The following ST6GALNAC3 variants were observed in gnomAD, a reference collection of about 807,000 sequenced individuals.
ST6GALNAC3 encodes the protein alpha-N-acetylgalactosaminide alpha-2,6-sialyltransferase 3.
A neutral mutation model predicts 32.7 loss-of-function variants in ST6GALNAC3; 25 were observed. The observed-to-expected ratio is 0.76, with a 90% CI of 0.56 to 1.07. The LOEUF (loss-of-function observed/expected upper bound fraction) is 1.07. Ranked by LOEUF, ST6GALNAC3 falls within the 50% of genes least tolerant of loss-of-function variation. The pLI is 0.00. For synonymous variants in ST6GALNAC3, 129 were observed against 133.1 expected (o/e 0.97, Z 0.21); for missense variants, 355 against 382.4 (o/e 0.93, Z 0.60).
intron 3 of ST6GALNAC3, among the ~76,000 whole-genome samples, chr1:76,510,720 T>C (rs1035967459): frequency 4.6e-5 from 7 of 152,176 alleles, no homozygotes; most frequent in Admixed American, 2.0e-4. Flanking sequence ...ACACCTAAAT[T>C]ACCAAACATC....
At chr1:76,223,753 C>G (rs878859655) in intron 1 of ST6GALNAC3, among the ~76,000 whole-genome samples, 2 of 151,992 alleles carry the variant, frequency 1.3e-5, no homozygotes, top group Admixed American at 1.3e-4. Context: ...CTAATTAATT[C>G]TTTCAGTCTT....
At chr1:76,090,396 G>A (rs956749014) in intron 1 of ST6GALNAC3, among the ~76,000 whole-genome samples, 6 of 152,226 alleles carry the variant, frequency 3.9e-5, no homozygotes, top group South Asian at 2.1e-4. Flanking sequence ...ATAAGCATGA[G>A]CATTAACTTC....
rs940741042 is a variant in ST6GALNAC3, at chr1:76,634,091, CT to C, written c.*5293del. 135 of 924,078 alleles carry C rather than the reference CT, an allele frequency of 1.5e-4. No homozygotes were observed. Among genetic ancestry groups the C allele is most frequent in the Middle Eastern group, 5.6e-4 (1 of 1,782 alleles). The allele number at this position is 924,078 out of a possible 1,614,324, so 57.2% of individuals were successfully genotyped here. A position where few individuals can be genotyped will look rare whatever the true frequency, so the allele number is the denominator to read the frequency against. ...TGTTTGTTTCTTTTCAGAATAGGCA[CT>C]TTTTTTTGAGTAGAAAACCTCTTCT... On this transcript the variant is annotated 3_prime_UTR_variant, in exon 5 of 5. Coordinates refer to ENST00000328299, the MANE Select transcript of ST6GALNAC3 (RefSeq NM_152996.4).
chr1:76,598,405 C>T (rs919485546), intron 3 of ST6GALNAC3, among the ~76,000 whole-genome samples: 7 of 152,140 alleles, frequency 4.6e-5, no homozygotes, highest in African/African-American at 1.4e-4. Flanking sequence ...CAGCCTCCAT[C>T]GCTTTCAGAA....
At chr1:76,089,306 C>T (rs944209006) in intron 1 of ST6GALNAC3, among the ~76,000 whole-genome samples, 7 of 152,140 alleles carry the variant, frequency 4.6e-5, no homozygotes, top group African/African-American at 1.7e-4. Context: ...CCGCCTTGGC[C>T]TCCCAAAATG....
intron 1 of ST6GALNAC3, among the ~76,000 whole-genome samples, chr1:76,186,045 G>A (rs1653531919): frequency 6.6e-6 from 1 of 152,216 alleles, no homozygotes; most frequent in African/African-American, 2.4e-5. Context: ...GTTTTGGGAG[G>A]TCCTGGTACC....
At chr1:76,467,390 T>A (rs772817924) in intron 3 of ST6GALNAC3, among the ~76,000 whole-genome samples, 1 of 151,998 alleles carries the variant, frequency 6.6e-6, no homozygotes, top group African/African-American at 2.4e-5. Context: ...GATCCATCCC[T>A]GCTATGCTTG....
At chr1:76,542,756 A>G (rs1664069085) in intron 3 of ST6GALNAC3, among the ~76,000 whole-genome samples, 1 of 152,194 alleles carries the variant, frequency 6.6e-6, no homozygotes, top group Admixed American at 6.5e-5. Context: ...GAGCCATAAT[A>G]ATAAGCTACC....
intron 1 of ST6GALNAC3, among the ~76,000 whole-genome samples, chr1:76,089,677 A>G: frequency 6.6e-6 from 1 of 152,232 alleles, no homozygotes; most frequent in Middle Eastern, 3.2e-3. Flanking sequence ...TTTAGACGAT[A>G]CATTGTGGAT....
chr1:76,203,524 A>ATTAT (rs71676064), intron 1 of ST6GALNAC3, among the ~76,000 whole-genome samples: 1 of 11,932 alleles, frequency 8.4e-5, no homozygotes, highest in African/African-American at 1.4e-4. Flanking sequence ...TGACTTGTGT[A>ATTAT]TTTTTTTTGG....
intron 1 of ST6GALNAC3, among the ~76,000 whole-genome samples, chr1:76,285,784 G>A (rs1375115779): frequency 6.6e-6 from 1 of 152,060 alleles, no homozygotes; most frequent in African/African-American, 2.4e-5. Context: ...AACAGAGACA[G>A]AACAGCGAGA....
intron 1 of ST6GALNAC3, among the ~76,000 whole-genome samples, chr1:76,232,756 CTG>C (rs988217773): frequency 4.6e-5 from 7 of 152,342 alleles, no homozygotes; most frequent in Admixed American, 4.6e-4. Context: ...CCAGAAAAAA[CTG>C]TGGTTGAGCA....
intron 1 of ST6GALNAC3, among the ~76,000 whole-genome samples, chr1:76,269,147 T>C (rs1324758935): frequency 1.3e-5 from 2 of 152,194 alleles, no homozygotes; most frequent in Admixed American, 1.3e-4. Context: ...GTGTATATAA[T>C]TGTGTGGTGG....
chr1:76,378,896 C>T (rs1257084698), intron 2 of ST6GALNAC3, among the ~76,000 whole-genome samples: 1 of 151,972 alleles, frequency 6.6e-6, no homozygotes, highest in East Asian at 2.0e-4. Context: ...TATCATCAGA[C>T]CTAAGAATGT....
intron 3 of ST6GALNAC3, among the ~76,000 whole-genome samples, chr1:76,437,257 C>A (rs931761171): frequency 6.6e-6 from 1 of 152,046 alleles, no homozygotes; most frequent in Non-Finnish European, 1.5e-5. Context: ...CAGAAGAGAT[C>A]GTGTCCTTGG....
chr1:76,116,609 G>A (rs964519430), intron 1 of ST6GALNAC3, among the ~76,000 whole-genome samples: 3 of 152,126 alleles, frequency 2.0e-5, no homozygotes, highest in African/African-American at 7.2e-5. Context: ...AGAGATGGAA[G>A]AATGAAGCAA....
At chr1:76,134,541 A>G (rs182186347) in intron 1 of ST6GALNAC3, among the ~76,000 whole-genome samples, 1 of 152,336 alleles carries the variant, frequency 6.6e-6, no homozygotes, top group East Asian at 1.9e-4. Context: ...CAGGTCAGAG[A>G]CAGGATTGGG....
chr1:76,125,062 C>T (rs502421), intron 1 of ST6GALNAC3, among the ~76,000 whole-genome samples: 9,572 of 152,108 alleles, frequency 0.063, 348 homozygotes, highest in African/African-American at 0.096. Flanking sequence ...TCACTTGTTT[C>T]TCTTTACTTT....
chr1:76,423,269 C>T (rs543965673), intron 3 of ST6GALNAC3, among the ~76,000 whole-genome samples: 173 of 151,956 alleles, frequency 1.1e-3, no homozygotes, highest in African/African-American at 3.7e-3. Flanking sequence ...TATCTACAAA[C>T]GGAAGATCAC....
Sources: allele counts gnomAD v4.1 joint callset (sites outside exome capture counted in the v4.1 genomes callset), GRCh38; gene constraint gnomAD v4.1.1; transcripts MANE v1.5; gene names NCBI Gene and HGNC (gene_info 2026-07-23, HGNC 2026-07-21).